The following DMD variants were observed in gnomAD, a reference collection of about 807,000 sequenced individuals.
DMD encodes mutant dystrophin.
DMD carries 63 observed loss-of-function variants against 330.1 expected under a neutral mutation model. The ratio of observed to expected loss-of-function variants is 0.19; its 90% CI spans 0.16 to 0.24. The LOEUF (loss-of-function observed/expected upper bound fraction) is 0.24. Among genes scored for constraint, DMD ranks in the 10% least tolerant of loss-of-function variants. DMD has a pLI of 1.00. For synonymous variants in DMD, 1,223 were observed against 959.8 expected (o/e 1.27, Z -5.07); for missense variants, 3,344 against 2,684.1 (o/e 1.25, Z -5.43).
chrX:31,514,217 G>A (rs1439507963), intron 55 of DMD, among the ~76,000 whole-genome samples: 1 of 111,756 alleles, frequency 8.9e-6, no homozygotes, highest in Non-Finnish European at 1.9e-5. Flanking sequence ...GAGAAAATGG[G>A]TGCAAACGAA....
At chrX:32,707,637 C>T (rs757477945) in intron 7 of DMD, among the ~76,000 whole-genome samples, 13 of 111,797 alleles carry the variant, frequency 1.2e-4, no homozygotes, top group East Asian at 1.1e-3. Flanking sequence ...TTGTCTCTTC[C>T]GTCACAATTG....
At chrX:32,216,733 A>G (rs2097113535) in intron 44 of DMD, among the ~76,000 whole-genome samples, 183 bp downstream of exon 44, 1 of 111,373 alleles carries the variant, frequency 9.0e-6, no homozygotes. Flanking sequence ...TCCTGACACA[A>G]AAAGTCCATA....
At chrX:32,609,490 ATTC>A (rs1411267273) in intron 12 of DMD, among the ~76,000 whole-genome samples, 1 of 111,211 alleles carries the variant, frequency 9.0e-6, no homozygotes, top group East Asian at 2.8e-4. Flanking sequence ...TGGTTTCTGC[ATTC>A]TTCACAGCAC....
chrX:33,287,902 G>T (rs754006798), intron 1 of DMD, among the ~76,000 whole-genome samples: 1 of 111,351 alleles, frequency 9.0e-6, no homozygotes, highest in East Asian at 2.9e-4. Flanking sequence ...TGCAAAGCCT[G>T]TCAGTGCTCC....
At chrX:31,412,889 C>T (rs1267443670) in intron 60 of DMD, among the ~76,000 whole-genome samples, 1 of 111,663 alleles carries the variant, frequency 9.0e-6, no homozygotes, top group Non-Finnish European at 1.9e-5. Flanking sequence ...TAACACTTGC[C>T]CATAGTTCTC....
intron 2 of DMD, among the ~76,000 whole-genome samples, chrX:32,869,704 G>A (rs960925674): frequency 2.7e-5 from 3 of 109,793 alleles, no homozygotes; most frequent in Non-Finnish European, 5.7e-5. Context: ...AGAGAAAAAA[G>A]AATGCAAAGG....
At chrX:31,569,064 A>G (rs2075617251) in intron 55 of DMD, among the ~76,000 whole-genome samples, 1 of 111,240 alleles carries the variant, frequency 9.0e-6, no homozygotes, top group Non-Finnish European at 1.9e-5. Context: ...ACTCTTAAGT[A>G]TTTTCTCTAC....
chrX:31,238,002 G>T (rs1233850465), intron 63 of DMD, among the ~76,000 whole-genome samples: 1 of 112,119 alleles, frequency 8.9e-6, no homozygotes, highest in African/African-American at 3.2e-5. Context: ...TTACAGGCGT[G>T]AACTATTGTG....
chrX:32,165,995 C>T (rs904880669), intron 44 of DMD, among the ~76,000 whole-genome samples: 2 of 111,193 alleles, frequency 1.8e-5, no homozygotes, highest in African/African-American at 3.3e-5. Flanking sequence ...CCTGAGGCCT[C>T]CCCAGCCATA....
intron 7 of DMD, among the ~76,000 whole-genome samples, chrX:32,797,322 G>T (rs1390500757): frequency 8.9e-6 from 1 of 112,215 alleles, no homozygotes; most frequent in African/African-American, 3.2e-5. Flanking sequence ...ATAAAACACA[G>T]TTAACTCCAT....
At chrX:32,370,846 C>G (rs189883386) in intron 34 of DMD, among the ~76,000 whole-genome samples, 2 of 111,079 alleles carry the variant, frequency 1.8e-5, no homozygotes, top group South Asian at 3.7e-4. Context: ...ACTGTGAAAT[C>G]TTACTGTTAT....
In DMD at chrX:32,468,684, T is replaced by C. The variant is rs2148460554; in HGVS notation, c.2976A>G (p.Gln992=). Residue 992 remains glutamine, a synonymous_variant, in exon 23 of 79, where the codon CAA becomes CAG. Coordinates refer to ENST00000357033, the MANE Select transcript of DMD (RefSeq NM_004006.3). Reference sequence around the variant, plus strand: ...TGCTGAGATAGTATAGGCCACTTTGTTGCTCTTGCAGAGAACTTTGTAAAG... The same window carrying C: ...TGCTGAGATAGTATAGGCCACTTTGCTGCTCTTGCAGAGAACTTTGTAAAG... ...LQALQSSLQE[Q]QSGLYYLSTT... The C allele has an allele frequency of 8.3e-7, 1 of 1,211,137 alleles. No homozygotes were observed.
intron 1 of DMD, among the ~76,000 whole-genome samples, chrX:33,239,153 G>T (rs2052540493): frequency 9.4e-6 from 1 of 106,684 alleles, no homozygotes; most frequent in African/African-American, 3.4e-5. Context: ...GCTACTCTGG[G>T]GGCTGAGGCA....
At chrX:32,783,231 T>TATATACCATATATGTATAC (rs1569520553) in intron 7 of DMD, among the ~76,000 whole-genome samples, 5 of 98,827 alleles carry the variant, frequency 5.1e-5, no homozygotes, top group African/African-American at 1.4e-4. Context: ...CGTGTATACG[T>TATATACCATATATGTATAC]ATATACACAT....
At chrX:32,994,521 C>G (rs1299430864) in intron 2 of DMD, among the ~76,000 whole-genome samples, 3 of 111,443 alleles carry the variant, frequency 2.7e-5, no homozygotes, top group Admixed American at 9.6e-5. Context: ...TAAGAATTAA[C>G]TGAGAGTGCA....
At chrX:31,303,078 T>C (rs1453689473) in intron 62 of DMD, among the ~76,000 whole-genome samples, 1 of 112,039 alleles carries the variant, frequency 8.9e-6, no homozygotes, top group African/African-American at 3.2e-5. Context: ...ATACTACAAC[T>C]AGTATCATAA....
At chrX:32,845,187 A>T (rs1352451233) in intron 3 of DMD, among the ~76,000 whole-genome samples, 1 of 112,145 alleles carries the variant, frequency 8.9e-6, no homozygotes, top group African/African-American at 3.2e-5. Context: ...AACATTTTCT[A>T]GTAAGATAGA....
intron 50 of DMD, among the ~76,000 whole-genome samples, chrX:31,785,651 C>T (rs1169828276): frequency 9.1e-6 from 1 of 109,973 alleles, no homozygotes; most frequent in Non-Finnish European, 1.9e-5. Flanking sequence ...TCCCCCATCT[C>T]CATGTGTTCT....
At chrX:33,099,511 C>T (rs914480142) in intron 1 of DMD, among the ~76,000 whole-genome samples, 22 of 111,234 alleles carry the variant, frequency 2.0e-4, no homozygotes, top group African/African-American at 6.9e-4. Context: ...TGTTTTCTTG[C>T]TGATCTCTGA....
Sources: gnomAD v4.1 joint callset for allele counts (sites outside exome capture counted in the v4.1 genomes callset) on GRCh38, gnomAD v4.1.1 for gene constraint, MANE v1.5 for transcripts, NCBI Gene and HGNC (gene_info 2026-07-23, HGNC 2026-07-21) for gene names.